The following GOLGA5 variants were observed in gnomAD, a reference collection of about 807,000 sequenced individuals.
GOLGA5 encodes golgin A5.
GOLGA5 carries 50 observed loss-of-function variants against 93.5 expected under a neutral mutation model. The ratio of observed to expected loss-of-function variants is 0.53; its 90% confidence interval spans 0.43 to 0.68. GOLGA5 has a LOEUF of 0.68. Among genes scored for constraint, GOLGA5 ranks in the 30% least tolerant of loss-of-function variants. The pLI is 0.00. For missense variants in GOLGA5, 760 were observed against 856.4 expected (o/e 0.89, Z 1.40); for synonymous variants, 312 against 304.5 (o/e 1.02, Z -0.26).
intron 7 of GOLGA5, among the ~76,000 whole-genome samples, chr14:92,818,313 T>C (rs2140325542): frequency 6.6e-6 from 1 of 152,354 alleles, no homozygotes; most frequent in Admixed American, 6.5e-5. Context: ...ACTTAACATA[T>C]ATCCTTACAT....
At chr14:92,838,829 T>C (rs1885700960) in intron 12 of GOLGA5, among the ~76,000 whole-genome samples, 1 of 152,064 alleles carries the variant, frequency 6.6e-6, no homozygotes. Context: ...ATGTGATTTC[T>C]GGCACACGAC....
In GOLGA5 at chr14:92,797,710, A is replaced by G. The variant is rs768384721; in HGVS notation, c.273A>G (p.Pro91=). 1.2e-6 allele frequency: 2 copies of G among 1,614,028 alleles called. No individual in the cohort carries two copies. The highest frequency in any genetic ancestry group is 1.3e-5 in the African/African-American group (1 of 74,934). The change falls in exon 2 of 13, where the codon CCA becomes CCG. Residue 91 remains proline (P), a synonymous_variant. Coordinates refer to ENST00000163416, the MANE Select transcript of GOLGA5 (RefSeq NM_005113.4). ...ATGTGAAAGTAGGATCTCGGACACC[A>G]GTAGAGGCCTCTCATCCTGTTGAAA... is the stretch of plus-strand genomic sequence containing the variant. ...TANVKVGSRT[P]VEASHPVENA...
intron 1 of GOLGA5, among the ~76,000 whole-genome samples, chr14:92,795,490 C>T (rs1303776215): frequency 1.3e-5 from 2 of 152,072 alleles, no homozygotes; most frequent in African/African-American, 2.4e-5. Context: ...CTTTCTAAAC[C>T]CTTTCCACAT....
chr14:92,802,727 AATTT>A (rs145199814), intron 2 of GOLGA5, among the ~76,000 whole-genome samples: 10,805 of 151,246 alleles, frequency 0.071, 537 homozygotes, highest in South Asian at 0.19. Context: ...TATACAAATC[AATTT>A]ATTTATTTTT....
chr14:92,833,079 C>T (rs766617354), intron 9 of GOLGA5, 43 bp from the exon 10 acceptor site: 29 of 1,090,846 alleles, frequency 2.7e-5, no homozygotes, highest in Non-Finnish European at 3.5e-5. Context: ...TATTGTATGA[C>T]TTTCATTTTA....
intron 7 of GOLGA5, among the ~76,000 whole-genome samples, chr14:92,816,633 C>T (rs1017759240): frequency 6.6e-6 from 1 of 152,188 alleles, no homozygotes; most frequent in Non-Finnish European, 1.5e-5. Context: ...GTGATCATAG[C>T]TCACTGCAGC....
chr14:92,836,264 G>T (rs115673043), intron 11 of GOLGA5, among the ~76,000 whole-genome samples: 2,130 of 152,150 alleles, frequency 0.014, 47 homozygotes, highest in African/African-American at 0.046. Context: ...TTTCTTTGTA[G>T]TGTTTATAAT....
chr14:92,811,787 G>A lies in GOLGA5; in HGVS notation c.1320+33G>A, dbSNP rs184832843. 2,143 of 1,475,352 alleles carry A rather than the reference G, an allele frequency of 1.5e-3. 12 individuals carry two copies. Among genetic ancestry groups the A allele is most frequent in the South Asian group, 5.8e-3 (512 of 88,112 alleles). The allele number at this position is 1,475,352 out of a possible 1,614,324, so 91.4% of individuals were successfully genotyped here. A position where few individuals can be genotyped will look rare whatever the true frequency, so the allele number is the denominator to read the frequency against. On this transcript the variant is annotated intron_variant, in intron 6 of 12. Transcript: ENST00000163416. ...TGAAATGTACACTTTTGGATGTTAAGATGTGCAAGTTAACTGAAAGGCAAT... is the reference window on the plus strand; with the variant it reads ...TGAAATGTACACTTTTGGATGTTAAAATGTGCAAGTTAACTGAAAGGCAAT...
Position 92,839,582 on chromosome 14 carries a change from T to A in GOLGA5, c.*136T>A, listed in dbSNP as rs1331898396. 1 of 611,440 alleles carries A rather than the reference T, an allele frequency of 1.6e-6. No individual in the cohort carries two copies. Among genetic ancestry groups the A allele is most frequent in the Non-Finnish European group, 2.9e-6 (1 of 344,910 alleles). 37.9% of individuals were successfully genotyped at this position (611,440 alleles called of 1,614,324 possible). ...ACAAGCTTTTAACTTTTTAAGTTAT[T>A]GTACAAGTATTCTACCTAAATCTTC... On this transcript the variant is annotated 3_prime_UTR_variant, in exon 13 of 13. Transcript: ENST00000163416.
intron 9 of GOLGA5, among the ~76,000 whole-genome samples, chr14:92,832,515 A>T (rs2140335329): frequency 6.6e-6 from 1 of 152,336 alleles, no homozygotes; most frequent in Non-Finnish European, 1.5e-5. Context: ...GTCTCCTAGG[A>T]CAACTATCAT....
At position 92,834,135 on chromosome 14, in the gene GOLGA5, A is replaced by G. The variant is rs192365848; in HGVS notation, c.1945+788A>G. ...TTAAATTAATAAAATTTTCCTGACC[A>G]TAACTTCTGTGATTTTTTTAAGGGT... On this transcript the variant is annotated intron_variant, in intron 10 of 12. Transcript: ENST00000163416. 2.7e-3 allele frequency among the ~76,000 whole-genome samples: 408 copies of G among 151,306 alleles called. 3 individuals are homozygous for G. Among genetic ancestry groups the G allele is most frequent in the African/African-American group, 9.4e-3 (390 of 41,346 alleles).
chr14:92,810,551 A>G (rs1367357275), intron 5 of GOLGA5, 174 bp downstream of exon 5: 2 of 423,710 alleles, frequency 4.7e-6, no homozygotes, highest in Non-Finnish European at 4.1e-6. Flanking sequence ...TGCTAAATGT[A>G]TTTAATTTTA....
intron 3 of GOLGA5, among the ~76,000 whole-genome samples, chr14:92,808,166 G>T (rs1885029486): frequency 6.6e-6 from 1 of 152,104 alleles, no homozygotes; most frequent in Non-Finnish European, 1.5e-5. Context: ...CCCAGACCCA[G>T]GACCCAGGAG....
intron 7 of GOLGA5, among the ~76,000 whole-genome samples, chr14:92,816,824 T>C (rs1226853317): frequency 2.0e-5 from 3 of 152,164 alleles, no homozygotes; most frequent in African/African-American, 7.2e-5. Context: ...CCTCCCAGAG[T>C]GCTGGGATTG....
chr14:92,797,741 T>C lies in GOLGA5; in HGVS notation c.304T>C (p.Ser102Pro). Reference sequence around the variant, plus strand: ...GGCCTCTCATCCTGTTGAAAATGCATCTGTTCCTAGGCCTTCATCCCATTT... The same window carrying C: ...GGCCTCTCATCCTGTTGAAAATGCACCTGTTCCTAGGCCTTCATCCCATTT... ...VEASHPVENASVPRPSSHFVR... is the reference protein window; with the variant it reads ...VEASHPVENAPVPRPSSHFVR... Residue 102 changes from serine (S) to proline (P), a missense_variant, in exon 2 of 13, where the codon TCT becomes CCT. By Grantham distance (74) the Ser-to-Pro change is moderately conservative. Transcript: ENST00000163416. The C allele has an allele frequency of 1.2e-6, 2 of 1,613,722 alleles. No individual in the cohort carries two copies. Among genetic ancestry groups the C allele is most frequent in the Non-Finnish European group, 1.7e-6 (2 of 1,179,730 alleles).
At chr14:92,825,739 T>C (rs10144898) in intron 9 of GOLGA5, among the ~76,000 whole-genome samples, 122,478 of 151,728 alleles carry the variant, frequency 0.81, 49,970 homozygotes, top group African/African-American at 0.91. Context: ...CACCTGTAGT[T>C]CTAGCTACTC....
At chr14:92,830,388 G>T (rs145377689) in intron 9 of GOLGA5, among the ~76,000 whole-genome samples, 127 of 129,640 alleles carry the variant, frequency 9.8e-4, no homozygotes, top group African/African-American at 3.6e-3. Flanking sequence ...ATCATTATGA[G>T]ATTTTTTTTG....
At chr14:92,809,067 T>C (rs1484021713) in intron 3 of GOLGA5, among the ~76,000 whole-genome samples, 1 of 152,174 alleles carries the variant, frequency 6.6e-6, no homozygotes, top group African/African-American at 2.4e-5. Flanking sequence ...GAAACAGCAT[T>C]GTAGAAGAGC....
chr14:92,833,952 A>T (rs1457891345), intron 10 of GOLGA5, among the ~76,000 whole-genome samples: 1 of 151,752 alleles, frequency 6.6e-6, no homozygotes, highest in Non-Finnish European at 1.5e-5. Flanking sequence ...ACTGTAATTT[A>T]AAAAGGGTGA....
Sources: allele counts gnomAD v4.1 joint callset (sites outside exome capture counted in the v4.1 genomes callset), GRCh38; gene constraint gnomAD v4.1.1; transcripts MANE v1.5; gene names NCBI Gene and HGNC (gene_info 2026-07-23, HGNC 2026-07-21).